Variants in FBN1 observed in about 807,000 individuals in gnomAD.
FBN1 encodes fibrillin-1.
Under a neutral mutation model 365.1 loss-of-function variants are expected in FBN1, and 29 were observed. The ratio of observed to expected loss-of-function variants is 0.08; its 90% CI spans 0.06 to 0.11. FBN1 has a LOEUF of 0.11. Among genes scored for constraint, FBN1 ranks in the 10% least tolerant of loss-of-function variants. The probability of loss-of-function intolerance (pLI) is 1.00; values close to 1 mark genes in which losing one functional copy is unlikely to be tolerated. For missense variants in FBN1, 2,476 were observed against 3,703.2 expected (o/e 0.67, Z 8.60); for synonymous variants, 1,210 against 1,270.5 (o/e 0.95, Z 1.01).
intron 13 of FBN1, among the ~76,000 whole-genome samples, chr15:48,512,766 G>GTT (rs371503564): frequency 8.2e-5 from 12 of 146,464 alleles, no homozygotes; most frequent in African/African-American, 2.0e-4. Flanking sequence ...GTATTTGCCT[G>GTT]TTTTTTTTTT....
chr15:48,515,635 A>C, intron 11 of FBN1, 108 bp from the exon 12 acceptor site: 13 of 1,427,346 alleles, frequency 9.1e-6, no homozygotes, highest in Non-Finnish European at 1.3e-5. Context: ...GAAAGAGGAT[A>C]CTCTTTGGGC....
At chr15:48,547,703 T>C (rs1326826239) in intron 6 of FBN1, among the ~76,000 whole-genome samples, 2 of 148,588 alleles carry the variant, frequency 1.3e-5, no homozygotes, top group African/African-American at 5.0e-5. Context: ...TATAGGTTGT[T>C]TGTATATCTT....
intron 2 of FBN1, among the ~76,000 whole-genome samples, chr15:48,640,130 T>C (rs1446008672): frequency 2.0e-5 from 3 of 152,194 alleles, no homozygotes; most frequent in African/African-American, 7.2e-5. Flanking sequence ...TTCCATCAGC[T>C]CTCATCTCAT....
intron 49 of FBN1, among the ~76,000 whole-genome samples, chr15:48,443,510 TA>T (rs2043132114): frequency 6.6e-6 from 1 of 152,180 alleles, no homozygotes; most frequent in African/African-American, 2.4e-5. Context: ...ATAACATGCT[TA>T]AAAAATTTGC....
Position 48,425,432 on chromosome 15 carries a change from C to A in FBN1, c.7390G>T (p.Gly2464Trp). 1 of 1,614,168 alleles carries A rather than the reference C, an allele frequency of 6.2e-7. No individual in the cohort carries two copies. The highest frequency in any genetic ancestry group is 8.5e-7 in the Non-Finnish European group (1 of 1,180,000). ...PCNFICKNTE[G>W]SYQCSCPKGY... ...TTCGGGCATGAACACTGGTAACTCC[C>A]TTCTGTGTTTTTGCAGATAAAATTG... Residue 2464 changes from glycine to tryptophan, a missense_variant, in exon 60 of 66, where the codon GGG becomes TGG. By Grantham distance (184) the Gly-to-Trp change is radical. Transcript: ENST00000316623.
intron 3 of FBN1, 56 bp from the exon 4 acceptor site, chr15:48,610,882 G>C: frequency 6.9e-7 from 1 of 1,455,398 alleles, no homozygotes; most frequent in Non-Finnish European, 9.6e-7. Context: ...ATTTGTTATA[G>C]GGGACCAATC....
intron 6 of FBN1, among the ~76,000 whole-genome samples, chr15:48,580,228 T>A (rs1254143516): frequency 6.6e-6 from 1 of 152,114 alleles, no homozygotes; most frequent in Non-Finnish European, 1.5e-5. Flanking sequence ...GGACCATTCA[T>A]CCCTGACAGT....
At chr15:48,550,453 C>A (rs1264356084) in intron 6 of FBN1, among the ~76,000 whole-genome samples, 1 of 152,164 alleles carries the variant, frequency 6.6e-6, no homozygotes, top group Non-Finnish European at 1.5e-5. Context: ...CAAACTTTGT[C>A]AAATTTACCA....
At chr15:48,630,362 C>G (rs527959873) in intron 2 of FBN1, among the ~76,000 whole-genome samples, 10 of 152,230 alleles carry the variant, frequency 6.6e-5, no homozygotes, top group African/African-American at 2.4e-4. Flanking sequence ...AGCAAAGAAT[C>G]CTGGTATGTC....
chr15:48,495,689 A>G, intron 20 of FBN1, 101 bp from the exon 21 acceptor site: 2 of 1,459,008 alleles, frequency 1.4e-6, no homozygotes, highest in Non-Finnish European at 1.9e-6. Flanking sequence ...CCTTAATCCC[A>G]CACAGTAAAG....
chr15:48,556,137 A>T (rs2044178356), intron 6 of FBN1, among the ~76,000 whole-genome samples: 1 of 152,184 alleles, frequency 6.6e-6, no homozygotes. Context: ...TCCATGCACA[A>T]TTCAACTACT....
At chr15:48,530,559 G>T (rs1038237039) in intron 8 of FBN1, among the ~76,000 whole-genome samples, 2 of 145,374 alleles carry the variant, frequency 1.4e-5, no homozygotes, top group African/African-American at 5.1e-5. Flanking sequence ...TCACCGCAGA[G>T]ATTTTTTTTT....
chr15:48,593,069 T>C (rs768826200), intron 6 of FBN1, among the ~76,000 whole-genome samples: 1 of 152,238 alleles, frequency 6.6e-6, no homozygotes, highest in Non-Finnish European at 1.5e-5. Context: ...AATTGCTTTA[T>C]AATCTTATTA....
At chr15:48,509,523 TTA>T (rs939650935) in intron 14 of FBN1, among the ~76,000 whole-genome samples, 9 of 148,086 alleles carry the variant, frequency 6.1e-5, no homozygotes, top group Non-Finnish European at 1.3e-4. Context: ...AATATGTATT[TTA>T]TGAATATTAT....
At chr15:48,492,699 C>G (rs1025890253) in intron 23 of FBN1, 113 bp from the exon 24 acceptor site, 3 of 896,514 alleles carry the variant, frequency 3.3e-6, no homozygotes, top group Non-Finnish European at 5.2e-6. Context: ...GTTCATAAAA[C>G]TAGTTTGCCT....
Position 48,499,015 on chromosome 15 carries a change from T to C in FBN1, c.2137A>G (p.Ser713Gly). 3 of 1,614,234 alleles carry C rather than the reference T, an allele frequency of 1.9e-6. No homozygotes were observed. The highest frequency in any genetic ancestry group is 3.3e-5 in the Admixed American group (2 of 60,028). The change falls in exon 18 of 66, where the codon AGT becomes GGT. Residue 713 changes from serine to glycine, a missense_variant. Around this residue, in one of 5 missense-constraint regions of FBN1, gnomAD observed 1,780 missense variants for 2,840.8 expected, o/e 0.63. Transcript: ENST00000316623. ...NSAEYQALCS[S>G]GPGMTSAGSD... is the part of the protein sequence containing the mutation. ...CCTGCTGACGTCATTCCTGGCCCAC[T>C]GCTGCAGAGTGCCTGATATTCCGCT...
intron 49 of FBN1, among the ~76,000 whole-genome samples, chr15:48,442,164 G>T (rs1306781049): frequency 6.6e-6 from 1 of 152,142 alleles, no homozygotes; most frequent in Non-Finnish European, 1.5e-5. Flanking sequence ...CCCTAGGCCA[G>T]GAAAGAAGCA....
At chr15:48,498,081 G>A (rs2043622705) in intron 18 of FBN1, among the ~76,000 whole-genome samples, 1 of 140,894 alleles carries the variant, frequency 7.1e-6, no homozygotes, top group Non-Finnish European at 1.5e-5. Context: ...CACAACTGAG[G>A]AGGGAATCTC....
intron 16 of FBN1, among the ~76,000 whole-genome samples, chr15:48,504,806 G>A (rs1162979266): frequency 6.6e-6 from 1 of 152,210 alleles, no homozygotes; most frequent in African/African-American, 2.4e-5. Flanking sequence ...AAGGGGGAAG[G>A]ATAGGTGGGG....
Sources: gnomAD v4.1 joint callset for allele counts (sites outside exome capture counted in the v4.1 genomes callset) on GRCh38, gnomAD v4.1.1 for gene constraint, gnomAD v4.1.1 regional missense constraint, MANE v1.5 for transcripts, NCBI Gene and HGNC (gene_info 2026-07-23, HGNC 2026-07-21) for gene names.